SOX5: variants seen among roughly 807,000 people sequenced by gnomAD.
SOX5 encodes the protein SRY-box transcription factor 5.
Under a neutral mutation model 92.0 loss-of-function variants are expected in SOX5, and 9 were observed. The observed-to-expected ratio is 0.10, with a 90% CI of 0.06 to 0.17. The LOEUF is 0.17. SOX5 is among the 10% of genes least tolerant of loss of function. SOX5 has a pLI of 1.00. For missense variants in SOX5, 642 were observed against 944.5 expected (o/e 0.68, Z 4.20); for synonymous variants, 344 against 336.3 (o/e 1.02, Z -0.25).
intron 3 of SOX5, among the ~76,000 whole-genome samples, chr12:23,814,425 A>T (rs1328835617): frequency 6.6e-6 from 1 of 152,212 alleles, no homozygotes; most frequent in Non-Finnish European, 1.5e-5. Flanking sequence ...TGTAGAAAGC[A>T]GTGGAAAAGA....
intron 4 of SOX5, among the ~76,000 whole-genome samples, chr12:24,176,882 G>C (rs1005821837): frequency 6.6e-6 from 1 of 151,940 alleles, no homozygotes; most frequent in Non-Finnish European, 1.5e-5. Flanking sequence ...TATTTCTGAT[G>C]ATTACTTGTC....
intron 3 of SOX5, among the ~76,000 whole-genome samples, chr12:23,816,431 C>T (rs1158090705): frequency 1.3e-5 from 2 of 151,874 alleles, no homozygotes; most frequent in Non-Finnish European, 1.5e-5. Context: ...AGGTTGATCT[C>T]GAACTCCTGA....
At chr12:24,051,468 T>G (rs1446766876) in intron 4 of SOX5, among the ~76,000 whole-genome samples, 1 of 152,070 alleles carries the variant, frequency 6.6e-6, no homozygotes, top group Non-Finnish European at 1.5e-5. Context: ...CAAATAGACC[T>G]CAGAAGTAAA....
chr12:23,995,883 G>C (rs762319671), intron 4 of SOX5, among the ~76,000 whole-genome samples: 10 of 152,120 alleles, frequency 6.6e-5, no homozygotes, highest in Non-Finnish European at 1.2e-4. Context: ...ACCTCTAATG[G>C]AATAAAGACC....
At chr12:24,440,108 GAAGT>G (rs1940235677) in intron 1 of SOX5, among the ~76,000 whole-genome samples, 2 of 152,188 alleles carry the variant, frequency 1.3e-5, no homozygotes, top group South Asian at 2.1e-4. Context: ...AGAAGGGGGA[GAAGT>G]AAGATAGGAG....
chr12:24,377,014 G>C (rs1428678223), intron 1 of SOX5, among the ~76,000 whole-genome samples: 1 of 151,868 alleles, frequency 6.6e-6, no homozygotes, highest in African/African-American at 2.4e-5. Flanking sequence ...GGCCCCACTG[G>C]GCCAGCCATC....
At chr12:23,861,633 T>TAG (rs769300585) in intron 2 of SOX5, among the ~76,000 whole-genome samples, 1 of 152,178 alleles carries the variant, frequency 6.6e-6, no homozygotes, top group Non-Finnish European at 1.5e-5. Context: ...ATTTACTCTT[T>TAG]ATATTCCCAG....
intron 9 of SOX5, among the ~76,000 whole-genome samples, chr12:23,582,705 T>C (rs984085213): frequency 7.9e-5 from 12 of 152,126 alleles, no homozygotes; most frequent in South Asian, 2.1e-4. Context: ...GTAAGTCTTA[T>C]TTAGCTGAGG....
chr12:24,076,348 C>A (rs1942592354), intron 4 of SOX5, among the ~76,000 whole-genome samples: 1 of 152,116 alleles, frequency 6.6e-6, no homozygotes, highest in South Asian at 2.1e-4. Context: ...TCCATGCTCT[C>A]ATTTACTTAC....
chr12:23,727,485 A>C (rs1301099722), intron 6 of SOX5, among the ~76,000 whole-genome samples: 1 of 152,126 alleles, frequency 6.6e-6, no homozygotes, highest in Non-Finnish European at 1.5e-5. Context: ...AATAACAGAA[A>C]TTGGCAGTTG....
chr12:24,018,464 G>A (rs760831158), intron 4 of SOX5, among the ~76,000 whole-genome samples: 6 of 152,126 alleles, frequency 3.9e-5, no homozygotes, highest in African/African-American at 1.4e-4. Flanking sequence ...TTTTGCATAA[G>A]TTGGAAATGA....
At chr12:23,970,297 CAT>C (rs140885986) in intron 4 of SOX5, among the ~76,000 whole-genome samples, 2 of 151,206 alleles carry the variant, frequency 1.3e-5, no homozygotes, top group East Asian at 1.9e-4. Context: ...ATGTGTATAA[CAT>C]ATATATATAT....
intron 2 of SOX5, among the ~76,000 whole-genome samples, chr12:23,866,600 G>A (rs954771623): frequency 1.3e-5 from 2 of 152,128 alleles, no homozygotes; most frequent in Non-Finnish European, 2.9e-5. Context: ...GTGGAACTGA[G>A]CCTACAACGT....
chr12:23,736,895 G>C (rs1384850400), intron 5 of SOX5, among the ~76,000 whole-genome samples: 2 of 151,702 alleles, frequency 1.3e-5, no homozygotes, highest in Non-Finnish European at 2.9e-5. Context: ...GTTTCACCAT[G>C]TTGGCTAGGC....
At chr12:23,760,685 T>G (rs2141323410) in intron 3 of SOX5, among the ~76,000 whole-genome samples, 1 of 152,128 alleles carries the variant, frequency 6.6e-6, no homozygotes, top group South Asian at 2.1e-4. Flanking sequence ...TCCCTATAAC[T>G]CTCACTCCTT....
chr12:23,576,189 GT>G (rs34231615), intron 9 of SOX5, among the ~76,000 whole-genome samples: 12 of 149,312 alleles, frequency 8.0e-5, no homozygotes, highest in East Asian at 5.9e-4. Flanking sequence ...ATGTAGGTAG[GT>G]TTTTTTTTTA....
intron 1 of SOX5, among the ~76,000 whole-genome samples, chr12:24,475,040 G>A (rs538939596): frequency 3.9e-5 from 6 of 152,066 alleles, no homozygotes; most frequent in African/African-American, 1.4e-4. Context: ...TACTAGAGAT[G>A]GGGTTTCACC....
chr12:23,687,797 AC>A (rs2087885765), intron 6 of SOX5, among the ~76,000 whole-genome samples: 1 of 151,924 alleles, frequency 6.6e-6, no homozygotes, highest in Non-Finnish European at 1.5e-5. Context: ...ACCACATATG[AC>A]CATCTCTACA....
intron 1 of SOX5, among the ~76,000 whole-genome samples, chr12:24,561,279 C>A (rs1954311240): frequency 6.6e-6 from 1 of 152,172 alleles, no homozygotes; most frequent in African/African-American, 2.4e-5. Context: ...GAGAAGGGAA[C>A]ACATTAAAAT....
Sources: gnomAD v4.1 joint callset for allele counts (sites outside exome capture counted in the v4.1 genomes callset) on GRCh38, gnomAD v4.1.1 for gene constraint, MANE v1.5 for transcripts, NCBI Gene and HGNC (gene_info 2026-07-23, HGNC 2026-07-21) for gene names.